CFAP46: variants seen among roughly 807,000 people sequenced by gnomAD.
The protein encoded by CFAP46 is cilia and flagella associated protein 46.
A neutral mutation model predicts 325.7 loss-of-function variants in CFAP46; 245 were observed. The observed-to-expected ratio is 0.75, with a 90% confidence interval of 0.68 to 0.84. CFAP46 has a LOEUF of 0.84. Ranked by LOEUF, CFAP46 falls within the 40% of genes least tolerant of loss-of-function variation. CFAP46 has a pLI of 0.00. For synonymous variants in CFAP46, 1,523 were observed against 1,495.9 expected, an observed-to-expected ratio of 1.02 and a Z score of -0.42; for missense variants, 3,346 against 3,543.0, an observed-to-expected ratio of 0.94 and a Z score of 1.41.
intron 25 of CFAP46, among the ~76,000 whole-genome samples, chr10:132,887,996 C>T (rs1184453361): frequency 9.3e-6 from 1 of 107,956 alleles, no homozygotes; most frequent in Non-Finnish European, 1.8e-5. Context: ...CCTCTCCCCT[C>T]TTCTCTCTCT....
rs888358023 is a variant in CFAP46, at chr10:132,876,293, C to T, written c.4362+519G>A. On this transcript the variant is annotated intron_variant, in intron 31 of 57. Transcript: ENST00000368586. This position sits in a 1 kb window ranked among gnomAD's most constrained non-coding sequence, Gnocchi z 4.1. ...CAGCATGGCAGCGTGGCACCAAACA[C>T]CGCAGGTGGAGATGGTCCAGGTGTG... Among the ~76,000 whole-genome samples, 2 of 152,256 alleles carry T rather than the reference C, an allele frequency of 1.3e-5. No individual in the cohort carries two copies. Among genetic ancestry groups the T allele is most frequent in the African/African-American group, 4.8e-5 (2 of 41,466 alleles).
In CFAP46 at chr10:132,933,397, C is replaced by T. The variant is rs992727023; in HGVS notation, c.866+1355G>A. ...TCGGAACAGGGCTATTTACACTGGT[C>T]CCAAGACCTCTCGTCGGAGCGCCTG... On this transcript the variant is annotated intron_variant, in intron 8 of 57. Transcript: ENST00000368586. Among the ~76,000 whole-genome samples, 13 of 152,248 alleles carry T rather than the reference C, an allele frequency of 8.5e-5. No individual in the cohort carries two copies. In the East Asian group the frequency reaches 1.9e-3, roughly 23 times the overall value.
intron 10 of CFAP46, among the ~76,000 whole-genome samples, chr10:132,925,788 G>GT (rs1367517519): frequency 6.6e-6 from 1 of 152,244 alleles, no homozygotes; most frequent in East Asian, 1.9e-4. Context: ...GGATGGATGC[G>GT]TTAGGAGTGG....
In CFAP46 at chr10:132,903,014, T is replaced by C. The variant is rs187906075; in HGVS notation, c.2925-3348A>G. On this transcript the variant is annotated intron_variant, in intron 22 of 57. Coordinates refer to ENST00000368586, the MANE Select transcript of CFAP46 (RefSeq NM_001200049.3). ...TGGAGTTCAGTGAGTTACGCCCCAG[T>C]GTGAGTTGGCCACAGCTCCAACTTC... 8.7e-4 allele frequency among the ~76,000 whole-genome samples: 130 copies of C among 148,672 alleles called. 1 individual carries two copies. The highest frequency in any genetic ancestry group is 8.2e-3 in the South Asian group (37 of 4,496).
chr10:132,864,023 C>T (rs1208945818), intron 35 of CFAP46, among the ~76,000 whole-genome samples: 1 of 148,386 alleles, frequency 6.7e-6, no homozygotes, highest in Admixed American at 6.7e-5. Flanking sequence ...CACACCTGTT[C>T]CTGCTATTAG....
At position 132,929,755 on chromosome 10, in the gene CFAP46, T is replaced by C. The variant is rs375054627; in HGVS notation, c.916A>G (p.Met306Val). 36 of 1,613,368 alleles carry C rather than the reference T, an allele frequency of 2.2e-5. No individual in the cohort carries two copies. The African/African-American group carries it at 2.3e-4, about 10-fold the overall frequency. Residue 306 changes from methionine to valine, a missense_variant, in exon 9 of 58, where the codon ATG becomes GTG. By Grantham distance (21) the Met-to-Val change is conservative. Coordinates refer to ENST00000368586, the MANE Select transcript of CFAP46 (RefSeq NM_001200049.3). Reference protein sequence around the residue: ...LARFSLTLKCMEISSACLSDL... With the variant: ...LARFSLTLKCVEISSACLSDL... ...GAGAGGCAGGCAGAGGAGATCTCCA[T>C]GCATTTCAAGGTCAAGGAAAAACGC... is the stretch of plus-strand genomic sequence containing the variant.
intron 25 of CFAP46, among the ~76,000 whole-genome samples, chr10:132,891,265 C>T (rs891560556): frequency 6.6e-6 from 1 of 152,182 alleles, no homozygotes; most frequent in Admixed American, 6.5e-5. Context: ...CTGAATGGGC[C>T]CTCCTCTCGG....
At chr10:132,916,742 A>AGAGCTGAG (rs1849646055) in intron 16 of CFAP46, 60 bp from the exon 17 acceptor site, 1 of 1,405,676 alleles carries the variant, frequency 7.1e-7, no homozygotes, top group Non-Finnish European at 9.3e-7. Flanking sequence ...AGCACCAGAT[A>AGAGCTGAG]GGAAACACAC....
chr10:132,813,056 C>T (rs1403691207), intron 54 of CFAP46, among the ~76,000 whole-genome samples, 159 bp from the exon 55 acceptor site: 1 of 152,174 alleles, frequency 6.6e-6, no homozygotes, highest in African/African-American at 2.4e-5. Flanking sequence ...ACGCCTCCCT[C>T]CTCTGTGCTC....
intron 29 of CFAP46, among the ~76,000 whole-genome samples, chr10:132,879,113 G>A (rs937161457): frequency 2.0e-5 from 3 of 152,222 alleles, no homozygotes; most frequent in Admixed American, 6.5e-5. Flanking sequence ...GTGCCAGGGC[G>A]GGTGTCAGGG....
chr10:132,885,929 G>T lies in CFAP46; in HGVS notation c.3335C>A (p.Ala1112Glu), dbSNP rs570152192. The T allele has an allele frequency of 3.2e-6, 5 of 1,550,210 alleles. No individual in the cohort carries two copies. The South Asian group carries it at 5.9e-5, about 18-fold the overall frequency. ...GCTGTGGAAGAGCAGGCCGTAGAGC[G>T]CAGCACGGAGCGCCAGGTCGTCCTC... ...GAEDDLALRA[A>E]LYGLLFHSHA... Residue 1112 changes from alanine to glutamate, a missense_variant, in exon 26 of 58, where the codon GCG (alanine) becomes GAG (glutamate). By Grantham distance (107) the Ala-to-Glu change is moderately radical (BLOSUM62 -1). Transcript: ENST00000368586.
intron 56 of CFAP46, chr10:132,810,692 A>G (rs778234715): frequency 5.5e-6 from 4 of 730,390 alleles, no homozygotes. Context: ...GGCCGCCTCA[A>G]CGGGCTCCTC....
chr10:132,917,581 CG>C (rs763292296), intron 16 of CFAP46, among the ~76,000 whole-genome samples: 6 of 152,230 alleles, frequency 3.9e-5, no homozygotes, highest in Non-Finnish European at 8.8e-5. Context: ...CACCGAGTGG[CG>C]GTTGCCGTGT....
intron 11 of CFAP46, among the ~76,000 whole-genome samples, chr10:132,923,606 C>T (rs11146044): frequency 6.8e-6 from 1 of 148,024 alleles, no homozygotes; most frequent in Non-Finnish European, 1.5e-5. Flanking sequence ...CCCGGACCCC[C>T]GGCCTCGAGC....
At chr10:132,834,515 G>C (rs895310717) in intron 48 of CFAP46, 139 bp downstream of exon 48, 8 of 1,225,544 alleles carry the variant, frequency 6.5e-6, no homozygotes, top group East Asian at 2.5e-5. Flanking sequence ...TTGCTTCCTG[G>C]GAGCAGGCAG....
At chr10:132,845,596 C>A (rs2135094280) in intron 44 of CFAP46, among the ~76,000 whole-genome samples, 1 of 152,350 alleles carries the variant, frequency 6.6e-6, no homozygotes, top group African/African-American at 2.4e-5. Flanking sequence ...TTAAATACTG[C>A]CATTCGCATC....
At position 132,880,965 on chromosome 10, in the gene CFAP46, T is replaced by A. The variant is rs1195391866; in HGVS notation, c.3695A>T (p.His1232Leu). 1.3e-6 allele frequency: 2 copies of A among 1,550,468 alleles called. No individual in the cohort carries two copies. The highest frequency in any genetic ancestry group is 1.7e-6 in the Non-Finnish European group (2 of 1,146,962). Residue 1232 changes from histidine to leucine, a missense_variant, in exon 28 of 58, where the codon CAC becomes CTC. Coordinates refer to ENST00000368586, the MANE Select transcript of CFAP46 (RefSeq NM_001200049.3). ...MEFGQWLHHRHFPLEDVVFHL... is the reference protein window; with the variant it reads ...MEFGQWLHHRLFPLEDVVFHL... ...GAAGACCACGTCCTCGAGAGGAAAG[T>A]GTCTGTGATGGAGCCACTGGCCGAA...
chr10:132,826,026 C>T (rs1008910485), intron 50 of CFAP46, among the ~76,000 whole-genome samples: 24 of 144,852 alleles, frequency 1.7e-4, no homozygotes, highest in African/African-American at 5.8e-4. Flanking sequence ...AGGCAGGAGC[C>T]GGAGCCATGG....
Position 132,810,504 on chromosome 10 carries a change from T to TC in CFAP46, c.7584-16dup, listed in dbSNP as rs76677206. ...GGCCAACAGATCTAGGGGAGAAACG[T>TC]CCCCTCAGGAGGGCATGGACACCCT... On this transcript the variant is annotated splice_polypyrimidine_tract_variant and intron_variant, in intron 56 of 57. Coordinates refer to ENST00000368586, the MANE Select transcript of CFAP46 (RefSeq NM_001200049.3). The TC allele has an allele frequency of 6.2e-7, 1 of 1,612,056 alleles. No individual in the cohort carries two copies. The highest frequency in any genetic ancestry group is 8.5e-7 in the Non-Finnish European group (1 of 1,178,772).
Sources: gnomAD v4.1 joint callset for allele counts (sites outside exome capture counted in the v4.1 genomes callset) on GRCh38, gnomAD v4.1.1 for gene constraint, Gnocchi (gnomAD v3.1) non-coding constraint, MANE v1.5 for transcripts, NCBI Gene and HGNC (gene_info 2026-07-23, HGNC 2026-07-21) for gene names.